CHAD: variants seen among roughly 807,000 people sequenced by gnomAD.
The protein encoded by CHAD is cartilage leucine-rich protein.
CHAD carries 18 observed loss-of-function variants against 24.0 expected under a neutral mutation model. The observed-to-expected ratio is 0.75, with a 90% confidence interval of 0.52 to 1.11. CHAD has a LOEUF of 1.11. Ranked by LOEUF, CHAD falls within the 50% of genes most tolerant of loss-of-function variation. The pLI, the probability that CHAD is intolerant of heterozygous loss-of-function variation, is 0.00. For missense variants in CHAD, 440 were observed against 467.2 expected, an observed-to-expected ratio of 0.94 and a Z score of 0.54; for synonymous variants, 195 against 211.6, an observed-to-expected ratio of 0.92 and a Z score of 0.68.
intron 3 of CHAD, 105 bp downstream of exon 3, chr17:50,465,189 G>A: frequency 7.3e-7 from 1 of 1,361,190 alleles, no homozygotes; most frequent in South Asian, 1.3e-5. Flanking sequence ...TAAAAATGGA[G>A]GGTCTGCCTG....
At position 50,464,610 on chromosome 17, in the gene CHAD, G is replaced by C; in HGVS notation, c.*444C>G. 1.9e-6 allele frequency: 1 copy of C among 536,818 alleles called. No homozygotes were observed. Among genetic ancestry groups the C allele is most frequent in the South Asian group, 1.5e-5 (1 of 65,274 alleles). The allele number at this position is 536,818 out of a possible 1,614,324, so 33.3% of individuals were successfully genotyped here. On this transcript the variant is annotated 3_prime_UTR_variant, in exon 4 of 4. Coordinates refer to ENST00000508540, the MANE Select transcript of CHAD (RefSeq NM_001267.3). ...AGAACGTCCTGGCAGGTGGGGGCTG[G>C]CAGAGTTGGGGCATGGGCTTTAAAA...
At position 50,464,779 on chromosome 17, in the gene CHAD, GT is replaced by G; in HGVS notation, c.*274del. The G allele has an allele frequency of 3.8e-6, 1 of 259,842 alleles. No homozygotes were observed. 16.1% of individuals were successfully genotyped at this position (259,842 alleles called of 1,614,324 possible). A position where few individuals can be genotyped will look rare whatever the true frequency, so the allele number is the denominator to read the frequency against. On this transcript the variant is annotated 3_prime_UTR_variant, in exon 4 of 4. Transcript: ENST00000508540. The stretch of plus-strand genomic sequence containing the variant: ...TGGTTCTGATTGACTTGGGGGGGGG[GT>G]CTCAGCAACAGCTTCTCCAAGAGGA...
In CHAD at chr17:50,464,772, G is replaced by GGA. The variant is rs1555611936; in HGVS notation, c.*281_*282insTC. ...CCTGTTGTGGTTCTGATTGACTTGG[G>GGA]GGGGGGGTCTCAGCAACAGCTTCTC... On this transcript the variant is annotated 3_prime_UTR_variant, in exon 4 of 4. Transcript: ENST00000508540. 3.0e-6 allele frequency: 1 copy of GGA among 329,872 alleles called. No homozygotes were observed. The highest frequency in any genetic ancestry group is 2.6e-5 in the African/African-American group (1 of 38,186). The allele number at this position is 329,872 out of a possible 1,614,324, so 20.4% of individuals were successfully genotyped here.
rs2032925082 is a variant in CHAD, at chr17:50,468,743, G to C, written c.71C>G (p.Pro24Arg). 2 of 1,605,892 alleles carry C rather than the reference G, an allele frequency of 1.2e-6. No homozygotes were observed. The highest frequency in any genetic ancestry group is 1.7e-5 in the Admixed American group (1 of 59,368). ...AGLLPALAAC[P>R]QNCHCHSDLQ... is the part of the protein sequence containing the mutation. ...GTCGCTGTGGCAGTGGCAGTTCTGG[G>C]GGCAGGCGGCCAGCGCCGGCAGCAG... is the stretch of plus-strand genomic sequence containing the variant. Residue 24 changes from proline (P) to arginine (R), a missense_variant, in exon 1 of 4, where the codon CCC becomes CGC. Pro to Arg is a moderately radical substitution (Grantham distance 103). Transcript: ENST00000508540.
intron 1 of CHAD, 161 bp downstream of exon 1, chr17:50,467,879 T>A: frequency 3.1e-6 from 2 of 650,444 alleles, no homozygotes; most frequent in Non-Finnish European, 5.2e-6. Flanking sequence ...GGTAGGGATG[T>A]GACAAGGCGA....
Position 50,468,552 on chromosome 17 carries a change from G to T in CHAD, c.262C>A (p.Arg88Ser). The change falls in exon 1 of 4, where the codon CGC becomes AGC. Residue 88 changes from arginine (R) to serine (S), a missense_variant. Coordinates refer to ENST00000508540, the MANE Select transcript of CHAD (RefSeq NM_001267.3). Reference sequence around the variant, plus strand: ...CGGAAGGCACCGGCGGCCACCTCGCGGATCTGGCAGTGCTGCAGGTGCAAT... The same window carrying T: ...CGGAAGGCACCGGCGGCCACCTCGCTGATCTGGCAGTGCTGCAGGTGCAAT... ...VSLHLQHCQI[R>S]EVAAGAFRGL... The T allele has an allele frequency of 6.2e-7, 1 of 1,614,238 alleles. No homozygotes were observed. Among genetic ancestry groups the T allele is most frequent in the Non-Finnish European group, 8.5e-7 (1 of 1,180,042 alleles).
intron 1 of CHAD, among the ~76,000 whole-genome samples, chr17:50,466,098 T>C (rs551101000): frequency 6.7e-6 from 1 of 148,194 alleles, no homozygotes; most frequent in South Asian, 2.2e-4. Flanking sequence ...TTCCTTTTTT[T>C]TTTTTTGAGA....
At chr17:50,467,201 G>C (rs956101316) in intron 1 of CHAD, among the ~76,000 whole-genome samples, 1 of 152,254 alleles carries the variant, frequency 6.6e-6, no homozygotes. Context: ...AGGGGAGAAA[G>C]GAATGAGTGA....
Position 50,465,345 on chromosome 17 carries a change from T to G in CHAD, c.1033A>C (p.Ser345Arg). ...QHIRDTDAFR[S>R]CKFPTKRSKK... is the part of the protein sequence containing the mutation. ...GACCTCTTGGTGGGGAACTTGCAGCTGCGGAAGGCGTCCGTGTCACGGATG... is the reference window on the plus strand; with the variant it reads ...GACCTCTTGGTGGGGAACTTGCAGCGGCGGAAGGCGTCCGTGTCACGGATG... Residue 345 changes from serine to arginine, a missense_variant, in exon 3 of 4, where the codon AGC becomes CGC. By Grantham distance (110) the Ser-to-Arg change is moderately radical. Coordinates refer to ENST00000508540, the MANE Select transcript of CHAD (RefSeq NM_001267.3). The G allele has an allele frequency of 6.2e-7, 1 of 1,614,066 alleles. No homozygotes were observed. Among genetic ancestry groups the G allele is most frequent in the Non-Finnish European group, 8.5e-7 (1 of 1,180,012 alleles).
chr17:50,465,206 CA>C, intron 3 of CHAD, 87 bp downstream of exon 3: 1 of 1,515,876 alleles, frequency 6.6e-7, no homozygotes, highest in East Asian at 2.3e-5. Flanking sequence ...CCTGACCCTC[CA>C]GGGCCAGGGG....
At position 50,466,827 on chromosome 17, in the gene CHAD, C is replaced by T. The variant is rs371629066; in HGVS notation, c.775-957G>A. On this transcript the variant is annotated intron_variant, in intron 1 of 3. Coordinates refer to ENST00000508540, the MANE Select transcript of CHAD (RefSeq NM_001267.3). ...TGGCCTCCCCTGCCCCAAACCAGCC[C>T]CTAATTCGCTGCTCTGCTGCCCACT... Among the ~76,000 whole-genome samples the T allele has an allele frequency of 4.7e-3, 710 of 152,328 alleles. 4 individuals carry two copies. Among genetic ancestry groups the T allele is most frequent in the African/African-American group, 0.017 (695 of 41,560 alleles).
rs1458638892 is a variant in CHAD at position 50,464,768 on chromosome 17, T to TTGG, written c.*283_*285dup. ...CCAACCTGTTGTGGTTCTGATTGAC[T>TTGG]TGGGGGGGGGGTCTCAGCAACAGCT... On this transcript the variant is annotated 3_prime_UTR_variant, in exon 4 of 4. Transcript: ENST00000508540. The TTGG allele has an allele frequency of 1.6e-4, 20 of 126,796 alleles. No individual in the cohort carries two copies. Among genetic ancestry groups the TTGG allele is most frequent in the African/African-American group, 2.3e-4 (2 of 8,528 alleles). The allele number at this position is 126,796 out of a possible 1,614,324, so 7.9% of individuals were successfully genotyped here. A position where few individuals can be genotyped will look rare whatever the true frequency, so the allele number is the denominator to read the frequency against.
rs369262536 is a variant in CHAD at position 50,468,454 on chromosome 17, G to T, written c.360C>A (p.Asp120Glu). The change falls in exon 1 of 4, where the codon GAC becomes GAA. Residue 120 changes from aspartate (D) to glutamate (E), a missense_variant. Physicochemically the swap from Asp to Glu is conservative, Grantham distance 45 (BLOSUM62 2). Coordinates refer to ENST00000508540, the MANE Select transcript of CHAD (RefSeq NM_001267.3). The part of the protein sequence containing the change: ...DIRVLRAGAF[D>E]DLTELTYLYL... ...AGAGGTAGGTCAGCTCGGTCAGGTC[G>T]TCGAAGGCACCTGCGCGCAGCACGC... is the stretch of plus-strand genomic sequence containing the variant. 125 of 1,614,050 alleles carry T rather than the reference G, an allele frequency of 7.7e-5. No homozygotes were observed. The African/African-American group carries it at 1.5e-3, about 20-fold the overall frequency.
Position 50,464,499 on chromosome 17 carries a change from A to AATAC in CHAD, c.*551_*554dup, listed in dbSNP as rs2032554665. ...AGATAGGTGGCAGGGGAGTAAATAT[A>AATAC]ATACATACATACATTTATATTTATA... On this transcript the variant is annotated 3_prime_UTR_variant, in exon 4 of 4. Coordinates refer to ENST00000508540, the MANE Select transcript of CHAD (RefSeq NM_001267.3). 1 of 693,728 alleles carries AATAC rather than the reference A, an allele frequency of 1.4e-6. No homozygotes were observed. The highest frequency in any genetic ancestry group is 2.6e-6 in the Non-Finnish European group (1 of 379,924). The allele number at this position is 693,728 out of a possible 1,614,324, so 43.0% of individuals were successfully genotyped here.
In CHAD at chr17:50,468,482, A is replaced by T; in HGVS notation, c.332T>A (p.Ile111Asn). 6.2e-7 allele frequency: 1 copy of T among 1,614,246 alleles called. No homozygotes were observed. Among genetic ancestry groups the T allele is most frequent in the Non-Finnish European group, 8.5e-7 (1 of 1,180,036 alleles). The change falls in exon 1 of 4, where the codon ATC (isoleucine) becomes AAC (asparagine). Residue 111 changes from isoleucine to asparagine, a missense_variant. By Grantham distance (149) the Ile-to-Asn change is moderately radical. Transcript: ENST00000508540. ...GAAGGCACCTGCGCGCAGCACGCGG[A>T]TGTCGTTATGGGACAGGTACAAGTA... ...LIYLYLSHND[I>N]RVLRAGAFDD...
chr17:50,466,848 C>T (rs1046973309), intron 1 of CHAD, among the ~76,000 whole-genome samples: 2 of 152,234 alleles, frequency 1.3e-5, no homozygotes, highest in African/African-American at 4.8e-5. Flanking sequence ...GCTCTGCTGC[C>T]CACTGAAAGA....
In CHAD at chr17:50,468,723, T is replaced by TGTGGCA. The variant is rs1412841228; in HGVS notation, c.85_90dup (p.Cys29_His30dup). Reference sequence around the variant, plus strand: ...TCGCAGATGACGTGCTGCAGGTCGCTGTGGCAGTGGCAGTTCTGGGGGCAG... The same window carrying TGTGGCA: ...TCGCAGATGACGTGCTGCAGGTCGCTGTGGCAGTGGCAGTGGCAGTTCTGGGGGCAG... On this transcript the variant is annotated inframe_insertion, in exon 1 of 4. Transcript: ENST00000508540. The TGTGGCA allele has an allele frequency of 6.2e-6, 10 of 1,611,260 alleles. No homozygotes were observed. In the Admixed American group the frequency reaches 1.0e-4, roughly 16 times the overall value.
chr17:50,467,966 G>T (rs1178408350), intron 1 of CHAD, 74 bp downstream of exon 1: 3 of 1,463,670 alleles, frequency 2.0e-6, no homozygotes, highest in African/African-American at 2.8e-5. Context: ...GATGGTGCCA[G>T]CTGTGGCCCT....
intron 3 of CHAD, 73 bp downstream of exon 3, chr17:50,465,221 T>C (rs539727247): frequency 2.0e-5 from 32 of 1,575,056 alleles, no homozygotes; most frequent in Non-Finnish European, 2.6e-5. Flanking sequence ...CCAGGGGGTA[T>C]CCTGGAAGAT....
Sources: gnomAD v4.1 joint callset for allele counts (sites outside exome capture counted in the v4.1 genomes callset) on GRCh38, gnomAD v4.1.1 for gene constraint, MANE v1.5 for transcripts, NCBI Gene and HGNC (gene_info 2026-07-23, HGNC 2026-07-21) for gene names.